XCR1: variants seen among roughly 807,000 people sequenced by gnomAD.
XCR1 encodes chemokine XC receptor 1.
For missense variants in XCR1, 356 were observed against 424.2 expected, an observed-to-expected ratio of 0.84 and a Z score of 1.41; for synonymous variants, 187 against 188.5, an observed-to-expected ratio of 0.99 and a Z score of 0.06.
At chr3:46,062,810 G>T (rs576658192) in intron 4 of XCR1, among the ~76,000 whole-genome samples, 1 of 152,222 alleles carries the variant, frequency 6.6e-6, no homozygotes, top group African/African-American at 2.4e-5. Context: ...TGTCGTCTCC[G>T]ATGGAACTCC....
chr3:46,081,236 A>ACCTT (rs1428484704), intron 1 of XCR1, among the ~76,000 whole-genome samples: 1 of 152,184 alleles, frequency 6.6e-6, no homozygotes, highest in East Asian at 1.9e-4. Flanking sequence ...GGTGAAACAC[A>ACCTT]CCAATGGTAT....
At chr3:46,046,350 G>A (rs1390302083) in intron 5 of XCR1, among the ~76,000 whole-genome samples, 3 of 152,144 alleles carry the variant, frequency 2.0e-5, no homozygotes, top group South Asian at 2.1e-4. Context: ...AAAAGGGGTC[G>A]GCTGCTCGGT....
At chr3:46,064,652 G>A (rs532251439) in intron 4 of XCR1, among the ~76,000 whole-genome samples, 3 of 152,330 alleles carry the variant, frequency 2.0e-5, no homozygotes, top group East Asian at 1.9e-4. Context: ...CTTTCGAAGT[G>A]CGACACATGA....
chr3:46,074,993 A>C (rs1014184409), intron 2 of XCR1, among the ~76,000 whole-genome samples: 1 of 152,208 alleles, frequency 6.6e-6, no homozygotes, highest in Non-Finnish European at 1.5e-5. Context: ...AAAATCTCCC[A>C]AGAAAAAAAT....
intron 3 of XCR1, among the ~76,000 whole-genome samples, chr3:46,073,065 G>T (rs190526274): frequency 6.6e-6 from 1 of 152,032 alleles, no homozygotes; most frequent in Non-Finnish European, 1.5e-5. Context: ...ATTGAATTGC[G>T]ATATGCAGAA....
intron 5 of XCR1, among the ~76,000 whole-genome samples, chr3:46,037,217 TAGTG>T (rs987560230): frequency 2.0e-4 from 30 of 152,242 alleles, no homozygotes; most frequent in African/African-American, 7.0e-4. Context: ...TGTGTGTTCT[TAGTG>T]AGAAAAAGAA....
intron 1 of XCR1, among the ~76,000 whole-genome samples, chr3:46,023,013 T>C (rs756431318): frequency 6.6e-6 from 1 of 152,216 alleles, no homozygotes; most frequent in Non-Finnish European, 1.5e-5. Context: ...AGAAAAGTTA[T>C]ATAAAAGACC....
At chr3:46,069,823 CT>C (rs1698136757) in intron 3 of XCR1, among the ~76,000 whole-genome samples, 1 of 150,650 alleles carries the variant, frequency 6.6e-6, no homozygotes, top group Non-Finnish European at 1.5e-5. Context: ...ATCTTTATTT[CT>C]TTTCTTCTGC....
chr3:46,034,946 T>G (rs1418796883), intron 5 of XCR1, among the ~76,000 whole-genome samples: 1 of 152,120 alleles, frequency 6.6e-6, no homozygotes, highest in Non-Finnish European at 1.5e-5. Context: ...TCCTTGCCCC[T>G]CCATAGTTCC....
rs201689991 is a variant in XCR1, at chr3:46,021,096, C to T, written c.852G>A (p.Pro284=). The change falls in exon 2 of 2, where the codon CCG becomes CCA. Residue 284 remains proline (P), a synonymous_variant. Coordinates refer to ENST00000309285, the MANE Select transcript of XCR1 (RefSeq NM_001024644.2). The surrounding 1 kb of genome is among the most constrained non-coding windows in gnomAD (Gnocchi z 4.7). ...NLAFSHCCFN[P]VLYVFVGVKF... ...TGACCCCCACGAAGACATAGAGCAC[C>T]GGGTTAAAGCAGCAGTGGGAGAAGG... 4.0e-5 allele frequency: 64 copies of T among 1,614,082 alleles called. No homozygotes were observed. Among genetic ancestry groups the T allele is most frequent in the Middle Eastern group, 1.6e-4 (1 of 6,084 alleles).
Position 46,020,922 on chromosome 3 carries a change from T to C in XCR1, c.*24A>G. The C allele has an allele frequency of 6.3e-7, 1 of 1,598,822 alleles. No individual in the cohort carries two copies. The highest frequency in any genetic ancestry group is 8.5e-7 in the Non-Finnish European group (1 of 1,172,278). On this transcript the variant is annotated 3_prime_UTR_variant, in exon 2 of 2. Coordinates refer to ENST00000309285, the MANE Select transcript of XCR1 (RefSeq NM_001024644.2). Reference sequence around the variant, plus strand: ...ATTCCAGTCCCTGTCCACCTGCACCTGCGCCTGCACCGCCACAGGCCCCTC... The same window carrying C: ...ATTCCAGTCCCTGTCCACCTGCACCCGCGCCTGCACCGCCACAGGCCCCTC...
At chr3:46,041,789 G>A (rs1393457127) in intron 5 of XCR1, among the ~76,000 whole-genome samples, 1 of 152,190 alleles carries the variant, frequency 6.6e-6, no homozygotes, top group Non-Finnish European at 1.5e-5. Context: ...CCAGATCATA[G>A]TATTCAGACA....
At chr3:46,058,738 G>A (rs1392396135) in intron 4 of XCR1, among the ~76,000 whole-genome samples, 4 of 152,142 alleles carry the variant, frequency 2.6e-5, no homozygotes, top group South Asian at 2.1e-4. Flanking sequence ...TAGTTTTCCT[G>A]TATTTTTGTA....
At chr3:46,072,654 G>A (rs1189499358) in intron 3 of XCR1, among the ~76,000 whole-genome samples, 1 of 152,136 alleles carries the variant, frequency 6.6e-6, no homozygotes, top group Non-Finnish European at 1.5e-5. Context: ...CATGTTCATG[G>A]ATCAGAAGAA....
chr3:46,058,607 G>T (rs1196351170), intron 4 of XCR1, among the ~76,000 whole-genome samples: 1 of 152,160 alleles, frequency 6.6e-6, no homozygotes, highest in Admixed American at 6.5e-5. Flanking sequence ...GAGTGCAGTG[G>T]TGAGATCATG....
chr3:46,050,052 G>A (rs1697710429), intron 5 of XCR1, among the ~76,000 whole-genome samples: 1 of 152,232 alleles, frequency 6.6e-6, no homozygotes, highest in Admixed American at 6.5e-5. Context: ...TGATTAGGTA[G>A]AAAGAGCCAT....
At chr3:46,036,958 A>C (rs1453551829) in intron 5 of XCR1, among the ~76,000 whole-genome samples, 3 of 152,336 alleles carry the variant, frequency 2.0e-5, no homozygotes, top group Non-Finnish European at 4.4e-5. Context: ...GCTATAGGTG[A>C]AGTTTTTGTG....
rs193042941 is a variant in XCR1 at position 46,084,392 on chromosome 3, G to A, written c.-515+1402C>T. ...ATCAGTCCCAGAAAAGCATTGGAATGAAAAGCTATCACATCTCATGCCTCC... is the reference window on the plus strand; with the variant it reads ...ATCAGTCCCAGAAAAGCATTGGAATAAAAAGCTATCACATCTCATGCCTCC... On this transcript the variant is annotated intron_variant, in intron 1 of 5. Transcript: ENST00000683768. Among the ~76,000 whole-genome samples the A allele has an allele frequency of 6.6e-5, 10 of 152,342 alleles. No homozygotes were observed. In the East Asian group the frequency reaches 1.9e-3, roughly 29 times the overall value.
At chr3:46,080,517 G>A (rs1698339596) in intron 1 of XCR1, among the ~76,000 whole-genome samples, 1 of 152,088 alleles carries the variant, frequency 6.6e-6, no homozygotes, top group South Asian at 2.1e-4. Context: ...AGCTGAGATT[G>A]TGCCACTGCA....
Sources: gnomAD v4.1 joint callset for allele counts (sites outside exome capture counted in the v4.1 genomes callset) on GRCh38, gnomAD v4.1.1 for gene constraint, Gnocchi (gnomAD v3.1) non-coding constraint, MANE v1.5 for transcripts, NCBI Gene and HGNC (gene_info 2026-07-23, HGNC 2026-07-21) for gene names.